ANXA10: variants seen among roughly 807,000 people sequenced by gnomAD.
The protein encoded by ANXA10 is annexin 14.
In ANXA10, 49 loss-of-function variants were observed where a neutral mutation model predicts 53.5. That is an observed-to-expected ratio of 0.92 (90% CI 0.73 to 1.16). ANXA10 has a LOEUF of 1.16. Among genes scored for constraint, ANXA10 ranks in the 50% most tolerant of loss-of-function variants. The pLI is 0.00. For missense variants in ANXA10, 393 were observed against 394.4 expected (o/e 1.00, Z 0.03); for synonymous variants, 131 against 128.9 (o/e 1.02, Z -0.11).
chr4:168,171,155 C>T (rs1457745076), intron 6 of ANXA10, among the ~76,000 whole-genome samples: 1 of 152,148 alleles, frequency 6.6e-6, no homozygotes, highest in Admixed American at 6.5e-5. Flanking sequence ...TACACAATTT[C>T]AGAGAGAATC....
intron 6 of ANXA10, 53 bp downstream of exon 6, chr4:168,165,379 A>T: frequency 5.2e-5 from 40 of 771,818 alleles, no homozygotes; most frequent in Non-Finnish European, 6.8e-5. Context: ...AAATAAGTAT[A>T]TGTCATTGCC....
chr4:168,181,786 T>C (rs1291034022), intron 10 of ANXA10, 45 bp downstream of exon 10: 6 of 1,331,738 alleles, frequency 4.5e-6, no homozygotes, highest in Non-Finnish European at 6.4e-6. Context: ...AAATTGTGTC[T>C]GTTTTCTCAA....
chr4:168,159,364 TTTTTA>T (rs1285951544), intron 3 of ANXA10, among the ~76,000 whole-genome samples: 1 of 152,164 alleles, frequency 6.6e-6, no homozygotes, highest in Non-Finnish European at 1.5e-5. Flanking sequence ...TCTTATGAAG[TTTTTA>T]TTTTAATTTT....
chr4:168,156,408 TAG>T (rs1352838499), intron 3 of ANXA10, among the ~76,000 whole-genome samples: 2 of 118,846 alleles, frequency 1.7e-5, no homozygotes, highest in Admixed American at 2.3e-4. Context: ...ATATATTATA[TAG>T]TATATATTAT....
intron 2 of ANXA10, among the ~76,000 whole-genome samples, chr4:168,134,388 C>T (rs1459154655): frequency 6.6e-6 from 1 of 151,992 alleles, no homozygotes; most frequent in East Asian, 1.9e-4. Flanking sequence ...TATAAAATAT[C>T]TCTGGAAGAA....
chr4:168,098,116 A>C (rs1730581459), intron 1 of ANXA10, among the ~76,000 whole-genome samples: 1 of 151,534 alleles, frequency 6.6e-6, no homozygotes, highest in African/African-American at 2.4e-5. Context: ...GCACTCTTGA[A>C]ATTTAAAAAA....
Position 168,162,660 on chromosome 4 carries a change from A to C in ANXA10, c.309+19A>C, listed in dbSNP as rs1248934756. 9 of 1,600,760 alleles carry C rather than the reference A, an allele frequency of 5.6e-6. No homozygotes were observed. The highest frequency in any genetic ancestry group is 7.7e-6 in the Non-Finnish European group (9 of 1,168,126). On this transcript the variant is annotated intron_variant, in intron 4 of 11. Coordinates refer to ENST00000359299, the MANE Select transcript of ANXA10 (RefSeq NM_007193.5). ...CATGAAGGTAGTGATCTGATCCAAA[A>C]ATATGCCTGTAACAAGTACAGGCCA...
At chr4:168,108,174 T>C (rs896232616) in intron 1 of ANXA10, among the ~76,000 whole-genome samples, 2 of 152,130 alleles carry the variant, frequency 1.3e-5, no homozygotes, top group Admixed American at 6.5e-5. Context: ...GGGGTCACTC[T>C]CATTGCCATC....
chr4:168,144,354 T>C, intron 3 of ANXA10, among the ~76,000 whole-genome samples: 1 of 152,218 alleles, frequency 6.6e-6, no homozygotes, highest in Non-Finnish European at 1.5e-5. Context: ...GCCCAGCTAA[T>C]TTTTGTATTT....
intron 1 of ANXA10, chr4:168,113,362 C>G (rs1472711842): frequency 7.3e-6 from 1 of 136,748 alleles, no homozygotes. Context: ...TGGTGAGAGC[C>G]CAGTCTCTGC....
chr4:168,093,204 C>T (rs1020272143), intron 1 of ANXA10, among the ~76,000 whole-genome samples: 7 of 152,038 alleles, frequency 4.6e-5, no homozygotes, highest in African/African-American at 1.7e-4. Context: ...ATATTTACTT[C>T]TATCTATAAA....
Position 168,179,503 on chromosome 4 carries a change from C to A in ANXA10, c.724+191C>A, listed in dbSNP as rs1319960666. ...CTACTGATAAAATGCACTAAACTGG[C>A]AACCTGATAACTTTAATGAACTGAT... On this transcript the variant is annotated intron_variant, in intron 9 of 11. Coordinates refer to ENST00000359299, the MANE Select transcript of ANXA10 (RefSeq NM_007193.5). 2.0e-5 allele frequency among the ~76,000 whole-genome samples: 3 copies of A among 152,134 alleles called. No individual in the cohort carries two copies. In the East Asian group the frequency reaches 5.8e-4, roughly 29 times the overall value.
At chr4:168,113,747 G>T (rs560436009) in intron 1 of ANXA10, among the ~76,000 whole-genome samples, 5 of 152,280 alleles carry the variant, frequency 3.3e-5, no homozygotes, top group African/African-American at 1.2e-4. Context: ...AAATTATTTA[G>T]CACTATTCTT....
chr4:168,126,089 C>A lies in ANXA10; in HGVS notation c.19-1995C>A, dbSNP rs1321969171. Reference sequence around the variant, plus strand: ...CACATTGAAAAATGTACATTTTTTTCAAAATTTCCAATTTACTCTAAGGCC... The same window carrying A: ...CACATTGAAAAATGTACATTTTTTTAAAAATTTCCAATTTACTCTAAGGCC... On this transcript the variant is annotated intron_variant, in intron 1 of 11. Transcript: ENST00000359299. Among the ~76,000 whole-genome samples the A allele has an allele frequency of 2.0e-5, 3 of 148,818 alleles. No individual in the cohort carries two copies. The East Asian group carries it at 5.9e-4, about 29-fold the overall frequency.
Position 168,101,567 on chromosome 4 carries a change from T to C in ANXA10, c.18+8849T>C, listed in dbSNP as rs148519697. On this transcript the variant is annotated intron_variant, in intron 1 of 11. Transcript: ENST00000359299. ...TACAAGATGCATTAATCTAATCTTG[T>C]ATTTTTTCTTATTCCAGCCCTAGAA... is the stretch of plus-strand genomic sequence containing the variant. 1.5e-3 allele frequency among the ~76,000 whole-genome samples: 229 copies of C among 152,146 alleles called. 3 individuals are homozygous for C. In the East Asian group the frequency reaches 0.041, roughly 27 times the overall value.
chr4:168,156,019 A>C (rs1275360388), intron 3 of ANXA10, among the ~76,000 whole-genome samples: 3 of 72,132 alleles, frequency 4.2e-5, no homozygotes, highest in East Asian at 4.5e-4. Context: ...TGTTATATAT[A>C]ATATATTATA....
chr4:168,154,110 A>G (rs1229837017), intron 3 of ANXA10, among the ~76,000 whole-genome samples: 1 of 152,096 alleles, frequency 6.6e-6, no homozygotes, highest in Non-Finnish European at 1.5e-5. Context: ...CAAAAATATC[A>G]TATGTAAAGG....
At chr4:168,144,449 A>G (rs1731375942) in intron 3 of ANXA10, among the ~76,000 whole-genome samples, 1 of 152,206 alleles carries the variant, frequency 6.6e-6, no homozygotes, top group African/African-American at 2.4e-5. Flanking sequence ...GGCCTCCCAA[A>G]GTGCTGGGAT....
At chr4:168,141,890 G>A (rs972441814) in intron 3 of ANXA10, among the ~76,000 whole-genome samples, 5 of 152,042 alleles carry the variant, frequency 3.3e-5, no homozygotes, top group Admixed American at 6.6e-5. Flanking sequence ...TTCCACCCCA[G>A]GTTTGTGGGG....
Sources: gnomAD v4.1 joint callset for allele counts (sites outside exome capture counted in the v4.1 genomes callset) on GRCh38, gnomAD v4.1.1 for gene constraint, MANE v1.5 for transcripts, NCBI Gene and HGNC (gene_info 2026-07-23, HGNC 2026-07-21) for gene names.